GBE1: variants seen among roughly 807,000 people sequenced by gnomAD.
The protein encoded by GBE1 is 1,4-alpha-glucan branching enzyme 1, also known as 1,4-alpha-glucan-branching enzyme.
A neutral mutation model predicts 88.8 loss-of-function variants in GBE1; 70 were observed. The ratio of observed to expected loss-of-function variants is 0.79; its 90% CI spans 0.65 to 0.96. The LOEUF (loss-of-function observed/expected upper bound fraction) is 0.96, where lower values mean the gene tolerates loss of function less well. Ranked by LOEUF, GBE1 falls within the 40% of genes least tolerant of loss-of-function variation. The pLI is 0.00. For missense variants in GBE1, 872 were observed against 871.0 expected (o/e 1.00, Z -0.01); for synonymous variants, 284 against 300.1 (o/e 0.95, Z 0.56).
At chr3:81,747,114 A>G (rs558009740) in intron 1 of GBE1, among the ~76,000 whole-genome samples, 1 of 152,316 alleles carries the variant, frequency 6.6e-6, no homozygotes, top group South Asian at 2.1e-4. Context: ...CTTAAATGTA[A>G]TATGTAAAAC....
chr3:81,575,694 T>G lies in GBE1; in HGVS notation c.1618+2231A>C, dbSNP rs986137636. Among the ~76,000 whole-genome samples the G allele has an allele frequency of 1.3e-4, 20 of 152,324 alleles. 1 individual carries two copies. The highest frequency in any genetic ancestry group is 4.8e-4 in the African/African-American group (20 of 41,580). The stretch of plus-strand genomic sequence containing the variant: ...GTTGTTTCTTAGTTTTGAAAAAATT[T>G]CTTAAATTGCTCTTTTTAAATATTA... On this transcript the variant is annotated intron_variant, in intron 12 of 15. Coordinates refer to ENST00000429644, the MANE Select transcript of GBE1 (RefSeq NM_000158.4).
chr3:81,746,600 T>C (rs1706423449), intron 1 of GBE1, among the ~76,000 whole-genome samples: 1 of 152,078 alleles, frequency 6.6e-6, no homozygotes, highest in Non-Finnish European at 1.5e-5. Flanking sequence ...CAAATTAAAA[T>C]GATAAGTCAA....
intron 7 of GBE1, among the ~76,000 whole-genome samples, chr3:81,627,279 C>A (rs1035347984): frequency 1.3e-5 from 2 of 152,122 alleles, no homozygotes; most frequent in Non-Finnish European, 2.9e-5. Context: ...TAAATGTATT[C>A]ATTTATTTAT....
At chr3:81,759,240 G>T (rs892678302) in intron 1 of GBE1, among the ~76,000 whole-genome samples, 1 of 152,190 alleles carries the variant, frequency 6.6e-6, no homozygotes, top group Admixed American at 6.5e-5. Flanking sequence ...CATCCTAAGG[G>T]AACATCCAAA....
chr3:81,699,963 T>C (rs1390399481), intron 2 of GBE1, among the ~76,000 whole-genome samples: 1 of 152,248 alleles, frequency 6.6e-6, no homozygotes, highest in African/African-American at 2.4e-5. Context: ...AAATCACATA[T>C]GTTACTTACA....
rs150740837 is a variant in GBE1, at chr3:81,693,385, T to C, written c.313+12059A>G. On this transcript the variant is annotated intron_variant, in intron 2 of 15. Transcript: ENST00000429644. ...TGGTAATTACTTCCTAACGTATCTT[T>C]ATAAAATTGTATCTATTTTTATACC... 8.1e-4 allele frequency among the ~76,000 whole-genome samples: 124 copies of C among 152,304 alleles called. 3 individuals are homozygous for C. The East Asian group carries it at 0.02, about 25-fold the overall frequency.
intron 14 of GBE1, among the ~76,000 whole-genome samples, chr3:81,508,922 G>A (rs1205579941): frequency 6.6e-6 from 1 of 151,998 alleles, no homozygotes; most frequent in Non-Finnish European, 1.5e-5. Context: ...TGTAAATGGA[G>A]GTAACACATC....
rs2228389 is a variant in GBE1, at chr3:81,578,024, T to C, written c.1519A>G (p.Thr507Ala). Reference sequence around the variant, plus strand: ...CGATCAATAACTGGAGTAAAAGGAGTCAGGACACTCATGTTTGTATACATT... The same window carrying C: ...CGATCAATAACTGGAGTAAAAGGAGCCAGGACACTCATGTTTGTATACATT... ...AEMYTNMSVL[T>A]PFTPVIDRGI... The change falls in exon 12 of 16, where the codon ACT becomes GCT. Residue 507 changes from threonine (T) to alanine (A), a missense_variant. Transcript: ENST00000429644. The C allele has an allele frequency of 0.036, 58,607 of 1,609,436 alleles. 1,845 individuals are homozygous for C. The highest frequency in any genetic ancestry group is 0.14 in the African/African-American group (10,645 of 74,586).
intron 11 of GBE1, among the ~76,000 whole-genome samples, chr3:81,580,740 G>A (rs1243097660): frequency 6.6e-6 from 1 of 152,052 alleles, no homozygotes; most frequent in Non-Finnish European, 1.5e-5. Context: ...ATTAGCAGGA[G>A]ATTTCAGTGA....
At chr3:81,503,404 A>C (rs1702615412) in intron 14 of GBE1, among the ~76,000 whole-genome samples, 1 of 152,200 alleles carries the variant, frequency 6.6e-6, no homozygotes, top group Non-Finnish European at 1.5e-5. Flanking sequence ...TAGTGTTTAA[A>C]ATTCTTGAGA....
intron 1 of GBE1, among the ~76,000 whole-genome samples, chr3:81,749,005 CAA>C (rs34051030): frequency 3.7e-5 from 4 of 108,076 alleles, no homozygotes; most frequent in Non-Finnish European, 3.8e-5. Flanking sequence ...GACTCTGTCT[CAA>C]AAAAAAAAAA....
intron 7 of GBE1, among the ~76,000 whole-genome samples, chr3:81,639,510 C>A (rs1425122572): frequency 6.6e-6 from 1 of 151,794 alleles, no homozygotes; most frequent in African/African-American, 2.4e-5. Flanking sequence ...CTTAACGCCC[C>A]TTCGAAGGGA....
chr3:81,646,505 C>T (rs1157731713), intron 5 of GBE1, 23 bp from the exon 6 acceptor site: 1 of 1,307,352 alleles, frequency 7.6e-7, no homozygotes, highest in Non-Finnish European at 1.1e-6. Flanking sequence ...ATGGTCAAAT[C>T]TAAATTAAAA....
At position 81,500,924 on chromosome 3, in the gene GBE1, C is replaced by T. The variant is rs183828943; in HGVS notation, c.1935-1697G>A. On this transcript the variant is annotated intron_variant, in intron 14 of 15. Transcript: ENST00000429644. ...TGAGGTATTTGGTTTTCCGTCCCTG[C>T]GTTAATTCAACACACACCAGGGCCT... 4.4e-4 allele frequency among the ~76,000 whole-genome samples: 67 copies of T among 152,188 alleles called. 1 individual carries two copies. The highest frequency in any genetic ancestry group is 7.8e-4 in the Non-Finnish European group (53 of 68,012).
intron 14 of GBE1, among the ~76,000 whole-genome samples, chr3:81,507,127 G>A (rs1451527917): frequency 6.6e-6 from 1 of 151,212 alleles, no homozygotes; most frequent in Non-Finnish European, 1.5e-5. Flanking sequence ...AACTATTTAT[G>A]GCCATGTGAC....
chr3:81,678,438 A>G (rs1476778992), intron 2 of GBE1, among the ~76,000 whole-genome samples: 1 of 152,208 alleles, frequency 6.6e-6, no homozygotes, highest in African/African-American at 2.4e-5. Context: ...TTTTAAATAA[A>G]AGTATGTGTC....
chr3:81,498,896 A>G (rs1702549103), intron 15 of GBE1, among the ~76,000 whole-genome samples: 1 of 152,090 alleles, frequency 6.6e-6, no homozygotes, highest in African/African-American at 2.4e-5. Flanking sequence ...ATTTTTGCCA[A>G]TTGTCCCCTA....
chr3:81,689,902 T>C (rs1231438241), intron 2 of GBE1, among the ~76,000 whole-genome samples: 2 of 152,182 alleles, frequency 1.3e-5, no homozygotes, highest in African/African-American at 4.8e-5. Flanking sequence ...GCGGGGATTC[T>C]AGCTTTGTGG....
intron 12 of GBE1, among the ~76,000 whole-genome samples, chr3:81,560,661 TTG>T (rs1432460557): frequency 6.6e-6 from 1 of 151,982 alleles, no homozygotes; most frequent in Non-Finnish European, 1.5e-5. Flanking sequence ...AATTTTGGTT[TTG>T]TGTGTGTTGG....
Sources: gnomAD v4.1 joint callset for allele counts (sites outside exome capture counted in the v4.1 genomes callset) on GRCh38, gnomAD v4.1.1 for gene constraint, MANE v1.5 for transcripts, NCBI Gene and HGNC (gene_info 2026-07-23, HGNC 2026-07-21) for gene names.